The following ZNF91 variants were observed in gnomAD, a reference collection of about 807,000 sequenced individuals.
ZNF91 encodes zinc finger protein 91.
ZNF91 carries 7 observed loss-of-function variants against 12.6 expected under a neutral mutation model. That is an observed-to-expected ratio of 0.55 (90% CI 0.31 to 1.04). The LOEUF (loss-of-function observed/expected upper bound fraction) is 1.04, where lower values mean the gene tolerates loss of function less well. ZNF91 is among the 50% of genes least tolerant of loss of function. ZNF91 has a pLI of 0.05. For synonymous variants in ZNF91, 453 were observed against 462.6 expected, an observed-to-expected ratio of 0.98 and a Z score of 0.27; for missense variants, 1,217 against 1,385.4, an observed-to-expected ratio of 0.88 and a Z score of 1.93.
chr19:23,322,156 T>C (rs1458804851), intron 1 of ZNF91, among the ~76,000 whole-genome samples: 1 of 152,174 alleles, frequency 6.6e-6, no homozygotes, highest in African/African-American at 2.4e-5. Flanking sequence ...CTGTAGCCCC[T>C]AGGTTACGTA....
chr19:23,306,418 C>G (rs1362396843), intron 3 of ZNF91, among the ~76,000 whole-genome samples: 1 of 152,226 alleles, frequency 6.6e-6, no homozygotes, highest in Admixed American at 6.5e-5. Context: ...GGTGATATTA[C>G]CCTATTCTTC....
chr19:23,343,481 T>C (rs566069673), intron 3 of ZNF91, among the ~76,000 whole-genome samples: 1 of 152,288 alleles, frequency 6.6e-6, no homozygotes, highest in Non-Finnish European at 1.5e-5. Flanking sequence ...CAAGAGAAAC[T>C]ATTAAGATAA....
At position 23,362,588 on chromosome 19, in the gene ZNF91, C is replaced by T; in HGVS notation, c.391G>A (p.Glu131Lys). ...QLRKGCKSVD[E>K]CKVHKEGYNK... ...TAACCTTCTTTGTGCACCTTACACTCATCCACACTTTTACAACCTTTTCTT... is the reference window on the plus strand; with the variant it reads ...TAACCTTCTTTGTGCACCTTACACTTATCCACACTTTTACAACCTTTTCTT... Residue 131 changes from glutamate (E) to lysine (K), a missense_variant, in exon 4 of 4, where the codon GAG becomes AAG. Physicochemically the swap from Glu to Lys is moderately conservative, Grantham distance 56 (BLOSUM62 1). This residue lies in a region of ZNF91 where 726 missense variants were observed against 895.5 expected (regional missense o/e 0.81). Transcript: ENST00000300619. The T allele has an allele frequency of 6.2e-7, 1 of 1,601,556 alleles. No homozygotes were observed. Among genetic ancestry groups the T allele is most frequent in the Non-Finnish European group, 8.5e-7 (1 of 1,176,008 alleles).
At chr19:23,380,318 T>C (rs897793318) in intron 1 of ZNF91, 2 of 134,434 alleles carry the variant, frequency 1.5e-5, no homozygotes, top group African/African-American at 5.4e-5. Flanking sequence ...AAGCTTGAGC[T>C]GCAGAAGGAG....
rs142678519 is a variant in ZNF91 at position 23,329,495 on chromosome 19, C to T, written n.117-20398G>A. On this transcript the variant is annotated intron_variant and non_coding_transcript_variant, in intron 1 of 1. Transcript: ENST00000596528. Reference sequence around the variant, plus strand: ...TTAGAGATGTATCAATATTTTGCTTCAGCAGTAATCTGTGAAAATAAAGTT... The same window carrying T: ...TTAGAGATGTATCAATATTTTGCTTTAGCAGTAATCTGTGAAAATAAAGTT... 6.4e-4 allele frequency among the ~76,000 whole-genome samples: 98 copies of T among 152,314 alleles called. 1 individual carries two copies. The East Asian group carries it at 0.018, about 29-fold the overall frequency.
chr19:23,325,332 G>A (rs994554926), intron 1 of ZNF91: 40 of 152,144 alleles, frequency 2.6e-4, no homozygotes, highest in African/African-American at 9.6e-4. Flanking sequence ...GCATCCCATT[G>A]GTGTCAGTTG....
At chr19:23,354,909 G>A (rs879497821), downstream of ZNF91, among the ~76,000 whole-genome samples, 6 of 152,016 alleles carry the variant, frequency 3.9e-5, no homozygotes, top group Non-Finnish European at 8.8e-5. Flanking sequence ...TAACGAAGGA[G>A]TCGAAAGACC....
chr19:23,310,990 T>G (rs1478738281), upstream of ZNF91, among the ~76,000 whole-genome samples: 1 of 152,172 alleles, frequency 6.6e-6, no homozygotes, highest in Admixed American at 6.5e-5. Flanking sequence ...CTGGAAAATG[T>G]GACTCTTCAC....
At chr19:23,348,667 C>A (rs1376481109) in intron 3 of ZNF91, among the ~76,000 whole-genome samples, 1 of 152,112 alleles carries the variant, frequency 6.6e-6, no homozygotes, top group Non-Finnish European at 1.5e-5. Flanking sequence ...GAAATCAGGG[C>A]ACCCTGAAAA....
downstream of ZNF91, among the ~76,000 whole-genome samples, chr19:23,354,789 A>G (rs1297089984): frequency 6.6e-6 from 1 of 152,212 alleles, no homozygotes; most frequent in Non-Finnish European, 1.5e-5. Flanking sequence ...TACGAGATTA[A>G]TGTACACAAC....
At chr19:23,343,371 T>C (rs1430426414) in intron 3 of ZNF91, among the ~76,000 whole-genome samples, 8 of 152,226 alleles carry the variant, frequency 5.3e-5, no homozygotes, top group Non-Finnish European at 1.0e-4. Flanking sequence ...TTAAGGAAAA[T>C]AGTTTGTAAA....
intron 3 of ZNF91, among the ~76,000 whole-genome samples, chr19:23,366,590 G>C (rs1221875843): frequency 6.6e-6 from 1 of 152,174 alleles, no homozygotes; most frequent in Admixed American, 6.5e-5. Context: ...ATCTGCTTCT[G>C]GTGAGAGTGT....
intron 1 of ZNF91, chr19:23,324,532 TAC>T (rs1354165783): frequency 6.7e-6 from 1 of 148,728 alleles, no homozygotes; most frequent in African/African-American, 2.5e-5. Context: ...TATATATATA[TAC>T]GTATATACAT....
rs550058535 is a variant in ZNF91 at position 23,321,702 on chromosome 19, T to C, written n.117-12605A>G. ...TGATGTGACTTTCTTGCCTTGACTC[T>C]GTCAAAAAGGGGGCATCTGTGGGTC... On this transcript the variant is annotated intron_variant and non_coding_transcript_variant, in intron 1 of 1. Transcript: ENST00000596528. Among the ~76,000 whole-genome samples, 1,113 of 152,240 alleles carry C rather than the reference T, an allele frequency of 7.3e-3. 3 individuals carry two copies. Among genetic ancestry groups the C allele is most frequent in the Non-Finnish European group, 0.012 (820 of 68,012 alleles).
In ZNF91 at chr19:23,385,079, G is replaced by A. The variant is rs1969831792; in HGVS notation, c.30+10246C>T. ...GGTTCCGCATCTCAGTCCAGACAGG[G>A]CAGGGACAGCCACTCCTCCAACCTG... On this transcript the variant is annotated intron_variant, in intron 1 of 3. Coordinates refer to ENST00000300619, the MANE Select transcript of ZNF91 (RefSeq NM_003430.4). 6 of 971,192 alleles carry A rather than the reference G, an allele frequency of 6.2e-6. No individual in the cohort carries two copies. In the Admixed American group the frequency reaches 1.0e-4, roughly 17 times the overall value. The allele number at this position is 971,192 out of a possible 1,614,324, so 60.2% of individuals were successfully genotyped here. A position where few individuals can be genotyped will look rare whatever the true frequency, so the allele number is the denominator to read the frequency against.
chr19:23,317,547 G>C lies in ZNF91; in HGVS notation n.117-8450C>G, dbSNP rs140156572. On this transcript the variant is annotated intron_variant and non_coding_transcript_variant, in intron 1 of 1. Transcript: ENST00000596528. ...GGTGCTACAATGAGTTTCCTGACAAGGCACAGCACAGGTGAGATTTTGACT... is the reference window on the plus strand; with the variant it reads ...GGTGCTACAATGAGTTTCCTGACAACGCACAGCACAGGTGAGATTTTGACT... 4.1e-3 allele frequency among the ~76,000 whole-genome samples: 620 copies of C among 152,282 alleles called. 9 individuals carry two copies. Among genetic ancestry groups the C allele is most frequent in the African/African-American group, 0.014 (596 of 41,564 alleles).
chr19:23,383,603 G>A (rs28860205), intron 1 of ZNF91, among the ~76,000 whole-genome samples: 2,123 of 151,946 alleles, frequency 0.014, 48 homozygotes, highest in African/African-American at 0.048. Context: ...AAGGAGAATC[G>A]CTTGAACCCA....
intron 3 of ZNF91, among the ~76,000 whole-genome samples, chr19:23,342,979 G>A (rs1201631724): frequency 1.3e-5 from 2 of 152,200 alleles, no homozygotes; most frequent in Non-Finnish European, 2.9e-5. Flanking sequence ...GAGAGTTACA[G>A]AGACTGGAAT....
chr19:23,369,001 C>T (rs1969142489), intron 3 of ZNF91, among the ~76,000 whole-genome samples: 1 of 152,108 alleles, frequency 6.6e-6, no homozygotes, highest in Non-Finnish European at 1.5e-5. Context: ...CACCAAATCT[C>T]TTGATAATGC....
Sources: gnomAD v4.1 joint callset for allele counts (sites outside exome capture counted in the v4.1 genomes callset) on GRCh38, gnomAD v4.1.1 for gene constraint, gnomAD v4.1.1 regional missense constraint, MANE v1.5 for transcripts, NCBI Gene and HGNC (gene_info 2026-07-23, HGNC 2026-07-21) for gene names.